Variants in DLG2 observed in about 807,000 individuals in gnomAD.
DLG2 encodes discs large MAGUK scaffold protein 2.
DLG2 carries 45 observed loss-of-function variants against 132.5 expected under a neutral mutation model. That is an observed-to-expected ratio of 0.34 (90% CI 0.27 to 0.44). The LOEUF (loss-of-function observed/expected upper bound fraction) is 0.44. Ranked by LOEUF, DLG2 falls within the 20% of genes least tolerant of loss-of-function variation. The pLI, the probability that DLG2 is intolerant of heterozygous loss-of-function variation, is 1.00. For synonymous variants in DLG2, 424 were observed against 419.6 expected, an observed-to-expected ratio of 1.01 and a Z score of -0.13; for missense variants, 1,045 against 1,196.9, an observed-to-expected ratio of 0.87 and a Z score of 1.87.
intron 6 of DLG2, among the ~76,000 whole-genome samples, chr11:84,733,450 T>C (rs562843931): frequency 3.9e-5 from 6 of 152,228 alleles, no homozygotes; most frequent in Non-Finnish European, 7.3e-5. Context: ...TTTTGAGAAG[T>C]GTCTATTCAC....
intron 19 of DLG2, among the ~76,000 whole-genome samples, chr11:83,601,785 A>T (rs181452220): frequency 5.3e-5 from 8 of 152,042 alleles, no homozygotes; most frequent in Admixed American, 1.3e-4. Context: ...GGCCTCCCAA[A>T]GTGCTGGGGT....
intron 3 of DLG2, chr11:85,452,204 T>C (rs943785646): frequency 1.3e-5 from 2 of 152,162 alleles, no homozygotes; most frequent in Non-Finnish European, 2.9e-5. Flanking sequence ...GGTTTAGTTT[T>C]TGGTGAAAAA....
chr11:84,814,540 C>A (rs538922543), intron 6 of DLG2, among the ~76,000 whole-genome samples: 2 of 152,016 alleles, frequency 1.3e-5, no homozygotes, highest in African/African-American at 4.8e-5. Flanking sequence ...CCTTCCAGCC[C>A]CCACTGTTAC....
intron 6 of DLG2, among the ~76,000 whole-genome samples, chr11:84,734,517 T>C (rs572256331): frequency 1.1e-3 from 174 of 152,306 alleles, no homozygotes; most frequent in African/African-American, 3.7e-3. Flanking sequence ...AAGTTGCTTA[T>C]CAGCTTAAGG....
chr11:85,302,694 A>C (rs1472813853), intron 3 of DLG2, among the ~76,000 whole-genome samples: 2 of 152,136 alleles, frequency 1.3e-5, no homozygotes, highest in African/African-American at 4.8e-5. Context: ...TTTCAGAGGA[A>C]TAGAAGCCAA....
intron 9 of DLG2, among the ~76,000 whole-genome samples, chr11:84,160,979 C>A (rs768756565): frequency 2.0e-5 from 3 of 151,950 alleles, no homozygotes; most frequent in Non-Finnish European, 4.4e-5. Flanking sequence ...AATTGTTGTC[C>A]CAGAGTATGA....
intron 6 of DLG2, among the ~76,000 whole-genome samples, chr11:85,096,603 G>A (rs376397650): frequency 2.1e-4 from 31 of 147,400 alleles, no homozygotes; most frequent in African/African-American, 3.0e-4. Context: ...TGAAGTCAGC[G>A]AGACCAAGAA....
intron 16 of DLG2, among the ~76,000 whole-genome samples, chr11:83,871,290 T>C (rs553795920): frequency 7.2e-4 from 110 of 152,314 alleles, no homozygotes; most frequent in East Asian, 2.1e-3. Context: ...ATGATTCAGA[T>C]ATCAATTTAA....
chr11:84,432,745 G>T (rs1038892912), intron 7 of DLG2, among the ~76,000 whole-genome samples: 1 of 151,968 alleles, frequency 6.6e-6, no homozygotes, highest in Non-Finnish European at 1.5e-5. Context: ...TTCCAAGGTG[G>T]GCCAGGCATG....
chr11:85,338,925 C>A (rs551018414), intron 3 of DLG2, among the ~76,000 whole-genome samples: 357 of 152,128 alleles, frequency 2.3e-3, no homozygotes, highest in Non-Finnish European at 3.9e-3. Context: ...ATCTCCTGAC[C>A]TCGTGATCCG....
intron 6 of DLG2, among the ~76,000 whole-genome samples, chr11:84,880,719 T>C (rs922167566): frequency 6.6e-6 from 1 of 152,146 alleles, no homozygotes; most frequent in African/African-American, 2.4e-5. Flanking sequence ...TTTTAAACTT[T>C]GGCATTTTTG....
At chr11:85,259,159 T>C (rs1014851848) in intron 4 of DLG2, among the ~76,000 whole-genome samples, 41 of 152,138 alleles carry the variant, frequency 2.7e-4, no homozygotes, top group Non-Finnish European at 5.6e-4. Context: ...CATTGGATTA[T>C]GGGGCTGGTT....
At chr11:85,076,125 T>C (rs1341415469) in intron 6 of DLG2, among the ~76,000 whole-genome samples, 1 of 151,966 alleles carries the variant, frequency 6.6e-6, no homozygotes, top group Non-Finnish European at 1.5e-5. Context: ...TCAGAAAGTA[T>C]GCTATTACAG....
intron 18 of DLG2, among the ~76,000 whole-genome samples, chr11:83,749,019 T>A (rs1335241497): frequency 6.6e-6 from 1 of 152,220 alleles, no homozygotes; most frequent in East Asian, 1.9e-4. Flanking sequence ...ATTATATCAG[T>A]TTTGACTGAC....
At chr11:85,498,614 C>T (rs2093723293) in intron 3 of DLG2, among the ~76,000 whole-genome samples, 1 of 152,186 alleles carries the variant, frequency 6.6e-6, no homozygotes, top group Admixed American at 6.5e-5. Context: ...CACCCCAAAT[C>T]AACAGAATAT....
At chr11:83,782,610 G>A (rs751785565) in intron 18 of DLG2, among the ~76,000 whole-genome samples, 1 of 152,170 alleles carries the variant, frequency 6.6e-6, no homozygotes, top group Non-Finnish European at 1.5e-5. Flanking sequence ...AAGGGAGAAA[G>A]GCAATTCTGG....
intron 3 of DLG2, among the ~76,000 whole-genome samples, chr11:85,288,094 CAGT>C (rs1045269582): frequency 3.8e-4 from 58 of 152,028 alleles, no homozygotes; most frequent in African/African-American, 1.3e-3. Flanking sequence ...TTCTAGATGT[CAGT>C]AGCAATTTCA....
At chr11:85,325,182 A>G (rs1208215805) in intron 3 of DLG2, among the ~76,000 whole-genome samples, 4 of 146,512 alleles carry the variant, frequency 2.7e-5, no homozygotes, top group East Asian at 4.1e-4. Context: ...CAAGGCGGCA[A>G]CGAGGCTGGG....
chr11:83,544,094 C>T lies in DLG2; in HGVS notation c.1941-2236G>A, dbSNP rs576082165. 1.4e-4 allele frequency among the ~76,000 whole-genome samples: 21 copies of T among 152,314 alleles called. No individual in the cohort carries two copies. In the East Asian group the frequency reaches 3.3e-3, roughly 24 times the overall value. On this transcript the variant is annotated intron_variant, in intron 19 of 27. Transcript: ENST00000376104. ...TAAGATTCCCTGGTAGATAACATTT[C>T]GCACCTGTTGTCGCAATTTGTTGCT... is the stretch of plus-strand genomic sequence containing the variant.
Sources: gnomAD v4.1 joint callset for allele counts (sites outside exome capture counted in the v4.1 genomes callset) on GRCh38, gnomAD v4.1.1 for gene constraint, MANE v1.5 for transcripts, NCBI Gene and HGNC (gene_info 2026-07-23, HGNC 2026-07-21) for gene names.